The following TMEM222 variants were observed in gnomAD, a reference collection of about 807,000 sequenced individuals.
TMEM222 encodes chromosome 1 open reading frame 160.
TMEM222 carries 18 observed loss-of-function variants against 25.1 expected under a neutral mutation model. The observed-to-expected ratio is 0.72, with a 90% confidence interval of 0.50 to 1.06. TMEM222 has a LOEUF of 1.06. TMEM222 is among the 50% of genes least tolerant of loss of function. The pLI is 0.00. For synonymous variants in TMEM222, 131 were observed against 117.9 expected (o/e 1.11, Z -0.72); for missense variants, 296 against 293.7 (o/e 1.01, Z -0.06).
chr1:27,332,002 C>A, intron 2 of TMEM222, 68 bp from the exon 3 acceptor site: 1 of 1,561,512 alleles, frequency 6.4e-7, no homozygotes, highest in Non-Finnish European at 8.8e-7. Context: ...ACTTCTGCCA[C>A]CTACCCAGGT....
chr1:27,332,039 C>T (rs1362097465), intron 2 of TMEM222, 31 bp from the exon 3 acceptor site: 1 of 1,614,208 alleles, frequency 6.2e-7, no homozygotes, highest in East Asian at 2.2e-5. Context: ...ATGTAAGTTC[C>T]TCACTGACCT....
chr1:27,330,307 G>T (rs2014448848), intron 1 of TMEM222, among the ~76,000 whole-genome samples: 1 of 151,742 alleles, frequency 6.6e-6, no homozygotes, highest in Non-Finnish European at 1.5e-5. Context: ...TGAGGCAGGA[G>T]AATTGCTTGA....
At position 27,335,856 on chromosome 1, in the gene TMEM222, C is replaced by G. The variant is rs1034699994; in HGVS notation, c.*390C>G. On this transcript the variant is annotated 3_prime_UTR_variant, in exon 6 of 6. Coordinates refer to ENST00000374076, the MANE Select transcript of TMEM222 (RefSeq NM_032125.3). The stretch of plus-strand genomic sequence containing the variant: ...TGTCAAGGTGGCCCTGGGACCAGAG[C>G]TGGTCCCAGCATGGGGTGCACCGGG... 10 of 255,640 alleles carry G rather than the reference C, an allele frequency of 3.9e-5. No individual in the cohort carries two copies. Among genetic ancestry groups the G allele is most frequent in the Admixed American group, 3.3e-4 (7 of 21,224 alleles). 15.8% of individuals were successfully genotyped at this position (255,640 alleles called of 1,614,324 possible).
chr1:27,324,161 A>T (rs1017340061), intron 1 of TMEM222, among the ~76,000 whole-genome samples: 15 of 152,136 alleles, frequency 9.9e-5, no homozygotes, highest in Admixed American at 4.6e-4. Flanking sequence ...CCCCATCTCT[A>T]CTAAAAATAC....
chr1:27,322,183 C>G lies in TMEM222; in HGVS notation c.-15C>G. On this transcript the variant is annotated 5_prime_UTR_variant, in exon 1 of 6. Coordinates refer to ENST00000374076, the MANE Select transcript of TMEM222 (RefSeq NM_032125.3). The stretch of plus-strand genomic sequence containing the variant: ...GCACCAGAGCCGGGGCCAGTCGGAG[C>G]GGGGCGCGCGCCGCATGGCGGAAGC... The G allele has an allele frequency of 7.3e-7, 1 of 1,377,694 alleles. No individual in the cohort carries two copies. The highest frequency in any genetic ancestry group is 9.5e-7 in the Non-Finnish European group (1 of 1,054,504). The allele number at this position is 1,377,694 out of a possible 1,614,324, so 85.3% of individuals were successfully genotyped here. A position where few individuals can be genotyped will look rare whatever the true frequency, so the allele number is the denominator to read the frequency against.
Position 27,330,388 on chromosome 1 carries a change from C to T in TMEM222, c.195-332C>T, listed in dbSNP as rs2014450834. Among the ~76,000 whole-genome samples, 7 of 151,434 alleles carry T rather than the reference C, an allele frequency of 4.6e-5. No homozygotes were observed. In the South Asian group the frequency reaches 1.5e-3, roughly 32 times the overall value. Reference sequence around the variant, plus strand: ...CTCCAGCCTGGGCGACAGAGCGAGACTCCATTTGAAAAAAAAAAAAAGGTA... The same window carrying T: ...CTCCAGCCTGGGCGACAGAGCGAGATTCCATTTGAAAAAAAAAAAAAGGTA... On this transcript the variant is annotated intron_variant, in intron 1 of 5. Transcript: ENST00000374076.
At position 27,334,111 on chromosome 1, in the gene TMEM222, C is replaced by T. The variant is rs374713027; in HGVS notation, c.409-40C>T. 9 of 1,613,862 alleles carry T rather than the reference C, an allele frequency of 5.6e-6. No individual in the cohort carries two copies. In the African/African-American group the frequency reaches 1.2e-4, roughly 22 times the overall value. ...CAGGTGGGGACCAGGGGGGAGGCTC[C>T]CCTGCAGCCCATCCTGACCAGCCCT... On this transcript the variant is annotated intron_variant, in intron 4 of 5. Coordinates refer to ENST00000374076, the MANE Select transcript of TMEM222 (RefSeq NM_032125.3).
chr1:27,333,868 C>A, intron 3 of TMEM222, 90 bp from the exon 4 acceptor site: 1 of 1,200,594 alleles, frequency 8.3e-7, no homozygotes, highest in Non-Finnish European at 1.2e-6. Context: ...CCAGCTCAGG[C>A]CCGGGCACAG....
At chr1:27,334,706 G>T (rs958921938) in intron 5 of TMEM222, 5 of 1,357,238 alleles carry the variant, frequency 3.7e-6, no homozygotes, top group Admixed American at 4.8e-5. Context: ...GTCGCCCATG[G>T]TCGCCACAGC....
intron 2 of TMEM222, 75 bp downstream of exon 2, chr1:27,330,879 G>A: frequency 1.2e-6 from 2 of 1,600,260 alleles, no homozygotes; most frequent in East Asian, 2.2e-5. Flanking sequence ...CTGCAGGCAG[G>A]CTTCGTCTCC....
At chr1:27,333,303 G>GAATGCCCACCTCTTC in intron 3 of TMEM222, 1 of 470,684 alleles carries the variant, frequency 2.1e-6, no homozygotes, top group Non-Finnish European at 4.4e-6. Context: ...CCTCAGCCTG[G>GAATGCCCACCTCTTC]AATGCCCACC....
chr1:27,323,825 G>A (rs1320925070), intron 1 of TMEM222, among the ~76,000 whole-genome samples: 3 of 152,208 alleles, frequency 2.0e-5, no homozygotes, highest in Non-Finnish European at 4.4e-5. Flanking sequence ...AATTCATTCA[G>A]TGTTCTTCTA....
Position 27,335,409 on chromosome 1 carries a change from C to T in TMEM222, c.570C>T (p.Pro190=), listed in dbSNP as rs1295802082. The T allele has an allele frequency of 2.5e-6, 4 of 1,614,238 alleles. No homozygotes were observed. The highest frequency in any genetic ancestry group is 1.1e-5 in the South Asian group (1 of 91,088). The change falls in exon 6 of 6, where the codon CCC becomes CCT. Residue 190 remains proline, a synonymous_variant. Transcript: ENST00000374076. ...SVGAFVKTWL[P]FILLLGIILT... is the part of the protein sequence containing the mutation. ...GGGCCTTCGTGAAGACCTGGCTGCC[C>T]TTCATCCTTCTCCTGGGCATCATCC...
chr1:27,334,560 T>G, intron 5 of TMEM222: 1 of 1,440,396 alleles, frequency 6.9e-7, no homozygotes, highest in Non-Finnish European at 9.2e-7. Context: ...CACAGCTGTC[T>G]CTGGTGAAAT....
At chr1:27,327,388 T>A (rs1276823882) in intron 1 of TMEM222, among the ~76,000 whole-genome samples, 1 of 152,128 alleles carries the variant, frequency 6.6e-6, no homozygotes, top group Admixed American at 6.5e-5. Context: ...TTTTTAATTT[T>A]TATTTATTTA....
At chr1:27,332,363 G>C in intron 3 of TMEM222, 2 of 716,754 alleles carry the variant, frequency 2.8e-6, no homozygotes, top group Non-Finnish European at 5.2e-6. Context: ...TCCATGGCAA[G>C]GGTGAGGAAA....
intron 1 of TMEM222, among the ~76,000 whole-genome samples, chr1:27,324,622 C>T (rs1300861600): frequency 6.6e-6 from 1 of 152,186 alleles, no homozygotes; most frequent in East Asian, 1.9e-4. Flanking sequence ...CTGTGTTAGT[C>T]CATTCTTGCA....
rs2014216109 is a variant in TMEM222 at position 27,322,222 on chromosome 1, C to T, written c.25C>T (p.Leu9=). MAEAEGSS[L]LLLPPPPPPP... ...CATGGCGGAAGCGGAAGGGAGTTCT[C>T]TGCTCTTGTTGCCGCCGCCGCCACC... Residue 9 remains leucine (L), a synonymous_variant, in exon 1 of 6, where the codon CTG becomes TTG. Coordinates refer to ENST00000374076, the MANE Select transcript of TMEM222 (RefSeq NM_032125.3). The T allele has an allele frequency of 4.1e-6, 6 of 1,447,056 alleles. No homozygotes were observed. The highest frequency in any genetic ancestry group is 5.5e-6 in the Non-Finnish European group (6 of 1,093,370). 89.6% of individuals were successfully genotyped at this position (1,447,056 alleles called of 1,614,324 possible). A position where few individuals can be genotyped will look rare whatever the true frequency, so the allele number is the denominator to read the frequency against.
intron 1 of TMEM222, among the ~76,000 whole-genome samples, chr1:27,329,333 G>T (rs780326117): frequency 1.3e-5 from 2 of 151,990 alleles, no homozygotes; most frequent in African/African-American, 4.8e-5. Context: ...CCAGACGGGG[G>T]CTAGAAAGCA....
Sources: gnomAD v4.1 joint callset for allele counts (sites outside exome capture counted in the v4.1 genomes callset) on GRCh38, gnomAD v4.1.1 for gene constraint, MANE v1.5 for transcripts, NCBI Gene and HGNC (gene_info 2026-07-23, HGNC 2026-07-21) for gene names.